ADGRL3: variants seen among roughly 807,000 people sequenced by gnomAD.
The protein encoded by ADGRL3 is calcium-independent alpha-latrotoxin receptor 3.
A neutral mutation model predicts 153.5 loss-of-function variants in ADGRL3; 62 were observed. The ratio of observed to expected loss-of-function variants is 0.40; its 90% CI spans 0.33 to 0.50. The LOEUF (loss-of-function observed/expected upper bound fraction) is 0.50, where lower values mean the gene tolerates loss of function less well. ADGRL3 is among the 20% of genes least tolerant of loss of function. ADGRL3 has a pLI of 0.47. For synonymous variants in ADGRL3, 710 were observed against 672.5 expected, an observed-to-expected ratio of 1.06 and a Z score of -0.86; for missense variants, 1,641 against 1,859.4, an observed-to-expected ratio of 0.88 and a Z score of 2.16.
intron 11 of ADGRL3, among the ~76,000 whole-genome samples, chr4:61,907,029 CA>C (rs2098699075): frequency 6.6e-6 from 1 of 151,934 alleles, no homozygotes; most frequent in African/African-American, 2.4e-5. Flanking sequence ...TAATTTTGTA[CA>C]TAATGATACT....
intron 4 of ADGRL3, among the ~76,000 whole-genome samples, chr4:61,525,706 T>C (rs1053598601): frequency 2.0e-5 from 3 of 152,112 alleles, no homozygotes; most frequent in African/African-American, 7.2e-5. Flanking sequence ...GATGCACAGA[T>C]AGTACTACTG....
intron 1 of ADGRL3, among the ~76,000 whole-genome samples, chr4:61,212,848 T>G (rs1250865497): frequency 6.6e-6 from 1 of 152,294 alleles, no homozygotes. Flanking sequence ...TCAACATTTT[T>G]TTTTATGATT....
intron 11 of ADGRL3, among the ~76,000 whole-genome samples, chr4:61,905,894 C>CA (rs112203930): frequency 0.027 from 2,828 of 105,666 alleles, 86 homozygotes; most frequent in African/African-American, 0.089. Context: ...GACTCTGTCT[C>CA]AAAAAAAAAA....
chr4:61,634,961 C>G (rs2093351880), intron 5 of ADGRL3, among the ~76,000 whole-genome samples: 1 of 152,042 alleles, frequency 6.6e-6, no homozygotes, highest in South Asian at 2.1e-4. Context: ...ATCTCTTTTC[C>G]ATTCATCTTC....
intron 4 of ADGRL3, among the ~76,000 whole-genome samples, chr4:61,531,907 C>G (rs923873554): frequency 2.0e-5 from 3 of 152,104 alleles, no homozygotes; most frequent in Admixed American, 2.0e-4. Flanking sequence ...CATAACCTAA[C>G]TTTAGAGTGT....
intron 9 of ADGRL3, among the ~76,000 whole-genome samples, chr4:61,886,624 A>ATTTG (rs34618045): frequency 0.39 from 57,976 of 148,836 alleles, 11,643 homozygotes; most frequent in East Asian, 0.41. Context: ...TTTAGACTAC[A>ATTTG]TTTGTTTGTT....
At chr4:61,625,374 G>T (rs2092769868) in intron 5 of ADGRL3, among the ~76,000 whole-genome samples, 1 of 151,956 alleles carries the variant, frequency 6.6e-6, no homozygotes, top group Admixed American at 6.6e-5. Flanking sequence ...ATAAATATTA[G>T]ATGCTTTAAT....
At chr4:61,741,476 T>C (rs1204386829) in intron 8 of ADGRL3, among the ~76,000 whole-genome samples, 2 of 152,256 alleles carry the variant, frequency 1.3e-5, no homozygotes, top group Non-Finnish European at 2.9e-5. Flanking sequence ...TTCTTTCCAG[T>C]GCTGCTTCTT....
rs1413920015 is a variant in ADGRL3 at position 61,268,278 on chromosome 4, G to A, written c.-240+66513G>A. 4.6e-5 allele frequency among the ~76,000 whole-genome samples: 7 copies of A among 151,564 alleles called. No homozygotes were observed. In the East Asian group the frequency reaches 1.2e-3, roughly 25 times the overall value. On this transcript the variant is annotated intron_variant, in intron 1 of 26. Transcript: ENST00000683033. ...TTTAAAGGAAAAAGTCCAATTTTTG[G>A]TGCAAAAGTCACAGGCCTAAAAGTG... is the stretch of plus-strand genomic sequence containing the variant.
At chr4:61,303,587 A>G (rs1313368454) in intron 1 of ADGRL3, among the ~76,000 whole-genome samples, 1 of 152,084 alleles carries the variant, frequency 6.6e-6, no homozygotes, top group Non-Finnish European at 1.5e-5. Flanking sequence ...CATTTTTTTA[A>G]TTGTTTGAAA....
At chr4:61,294,496 G>T (rs1336961448) in intron 1 of ADGRL3, among the ~76,000 whole-genome samples, 1 of 151,946 alleles carries the variant, frequency 6.6e-6, no homozygotes, top group Non-Finnish European at 1.5e-5. Context: ...GGGTTTATTG[G>T]GACCAAACCC....
Sources: gnomAD v4.1 joint callset for allele counts (sites outside exome capture counted in the v4.1 genomes callset) on GRCh38, gnomAD v4.1.1 for gene constraint, MANE v1.5 for transcripts, NCBI Gene and HGNC (gene_info 2026-07-23, HGNC 2026-07-21) for gene names.